The following RBPJ variants were observed in gnomAD, a reference collection of about 807,000 sequenced individuals.
The protein encoded by RBPJ is recombining binding protein suppressor of hairless.
In RBPJ, 9 loss-of-function variants were observed where a neutral mutation model predicts 67.8. The ratio of observed to expected loss-of-function variants is 0.13; its 90% confidence interval spans 0.08 to 0.23. RBPJ has a LOEUF of 0.23. Among genes scored for constraint, RBPJ ranks in the 10% least tolerant of loss-of-function variants. RBPJ has a pLI of 1.00. For missense variants in RBPJ, 305 were observed against 595.6 expected (o/e 0.51, Z 5.08); for synonymous variants, 198 against 203.3 (o/e 0.97, Z 0.22).
At chr4:26,216,482 C>T (rs1196913223) in intron 1 of RBPJ, among the ~76,000 whole-genome samples, 1 of 151,938 alleles carries the variant, frequency 6.6e-6, no homozygotes, top group Non-Finnish European at 1.5e-5. Context: ...ATGGAACATC[C>T]GAGGATTTCC....
intron 4 of RBPJ, among the ~76,000 whole-genome samples, chr4:26,419,950 C>T (rs1018280637): frequency 1.3e-5 from 2 of 152,032 alleles, no homozygotes; most frequent in African/African-American, 4.8e-5. Flanking sequence ...GCAAAGTTAA[C>T]CATTTTAAAA....
At chr4:26,215,402 G>GAAGGGAGGGAGGGA (rs779927576) in intron 1 of RBPJ, among the ~76,000 whole-genome samples, 3 of 108,558 alleles carry the variant, frequency 2.8e-5, no homozygotes, top group African/African-American at 1.2e-4. Flanking sequence ...AGGAAGGAAG[G>GAAGGGAGGGAGGGA]GGGGGGAAGG....
chr4:26,359,515 G>A (rs549670225), intron 1 of RBPJ, among the ~76,000 whole-genome samples: 3 of 151,890 alleles, frequency 2.0e-5, no homozygotes, highest in Non-Finnish European at 4.4e-5. Context: ...GCTCGGGTGG[G>A]GGTTCCCTTG....
intron 1 of RBPJ, among the ~76,000 whole-genome samples, chr4:26,327,422 A>G (rs1164349677): frequency 3.3e-5 from 5 of 152,204 alleles, no homozygotes; most frequent in Non-Finnish European, 7.3e-5. Flanking sequence ...AAGTTTACAA[A>G]AAATAAAATA....
At chr4:26,155,434 CT>C in the RBPJ span, among the ~76,000 whole-genome samples, 17,537 of 131,530 alleles carry the variant, frequency 0.13, 1,367 homozygotes, top group Non-Finnish European at 0.2. Context: ...CTCTCTCTCT[CT>C]TTTTTTTTTT....
At position 26,239,713 on chromosome 4, in the gene RBPJ, AAGG is replaced by A. The variant is rs1272134975; in HGVS notation, c.-167+76102_-167+76104del. Among the ~76,000 whole-genome samples, 4 of 149,742 alleles carry A rather than the reference AAGG, an allele frequency of 2.7e-5. No individual in the cohort carries two copies. In the East Asian group the frequency reaches 5.9e-4, roughly 22 times the overall value. On this transcript the variant is annotated intron_variant, in intron 1 of 4. Coordinates refer to the RBPJ transcript ENST00000512351. ...AAAGTAACAGAGAAGAGAAGAAAAA[AAGG>A]AGAAGAGAAGAGGGGAGGGGAGGGG...
At chr4:26,325,376 C>A (rs1723514518) in intron 1 of RBPJ, among the ~76,000 whole-genome samples, 1 of 152,082 alleles carries the variant, frequency 6.6e-6, no homozygotes, top group African/African-American at 2.4e-5. Context: ...ATCTAAAAAC[C>A]TTTCAATGGC....
chr4:26,182,271 G>A (rs1426198013), intron 1 of RBPJ, among the ~76,000 whole-genome samples: 1 of 151,990 alleles, frequency 6.6e-6, no homozygotes, highest in African/African-American at 2.4e-5. Context: ...GAACCCGGGA[G>A]GCGGAGCTTG....
At chr4:26,168,774 T>G (rs569760015) in intron 1 of RBPJ, among the ~76,000 whole-genome samples, 107 of 152,330 alleles carry the variant, frequency 7.0e-4, no homozygotes, top group African/African-American at 2.5e-3. Context: ...TCGTTTCTTT[T>G]TATTCTTTTT....
rs182313459 is a variant in RBPJ, at chr4:26,429,547, A to C, written c.889-351A>C. Among the ~76,000 whole-genome samples, 7 of 152,266 alleles carry C rather than the reference A, an allele frequency of 4.6e-5. No individual in the cohort carries two copies. In the East Asian group the frequency reaches 1.3e-3, roughly 29 times the overall value. ...GAGGAGTCCCATTGTCTTTCTTAGG[A>C]GTCCTTGAAGAGTTTTAAACAGCCA... On this transcript the variant is annotated intron_variant, in intron 8 of 10. Transcript: ENST00000355476.
In RBPJ at chr4:26,338,914, C is replaced by T. The variant is rs998834011; in HGVS notation, c.20+17866C>T. On this transcript the variant is annotated intron_variant, in intron 1 of 10. Transcript: ENST00000355476. ...TTGGAGACAGAATCTCACTCTGTCT[C>T]GATCTCAGCTCACTGCAGTCTCAAC... Among the ~76,000 whole-genome samples the T allele has an allele frequency of 3.3e-5, 5 of 151,478 alleles. No homozygotes were observed. The South Asian group carries it at 6.3e-4, about 19-fold the overall frequency.
intron 5 of RBPJ, among the ~76,000 whole-genome samples, chr4:26,423,991 A>G (rs967898795): frequency 2.0e-5 from 3 of 152,214 alleles, no homozygotes; most frequent in African/African-American, 7.2e-5. Flanking sequence ...TTTTCTTATC[A>G]GTGTGTTTAG....
At chr4:26,309,746 AT>A (rs1722363051) in intron 1 of RBPJ, among the ~76,000 whole-genome samples, 1 of 152,202 alleles carries the variant, frequency 6.6e-6, no homozygotes, top group African/African-American at 2.4e-5. Flanking sequence ...ATTTAAGTAT[AT>A]TCCCTTATAA....
At chr4:26,379,339 A>G (rs1730084252) in intron 1 of RBPJ, among the ~76,000 whole-genome samples, 1 of 152,142 alleles carries the variant, frequency 6.6e-6, no homozygotes, top group African/African-American at 2.4e-5. Context: ...AGCTAGGACC[A>G]CAGGTGTGCA....
intron 1 of RBPJ, chr4:26,362,365 G>A: frequency 1.3e-6 from 1 of 775,134 alleles, no homozygotes; most frequent in South Asian, 3.6e-5. Flanking sequence ...GTTTTTCTTA[G>A]TCATGGCAGC....
At chr4:26,208,693 AC>A (rs2109165425) in intron 1 of RBPJ, among the ~76,000 whole-genome samples, 1 of 152,104 alleles carries the variant, frequency 6.6e-6, no homozygotes, top group African/African-American at 2.4e-5. Context: ...AATTTTGACC[AC>A]CCTGTGATTT....
Position 26,291,468 on chromosome 4 carries a change from T to C in RBPJ, c.-166-70978T>C, listed in dbSNP as rs1348232946. ...AGAAAATCAAGACATCAAATTGTCA[T>C]GTGGGAAATCTATTCTGGGGAGTTG... On this transcript the variant is annotated intron_variant, in intron 1 of 4. Coordinates refer to the RBPJ transcript ENST00000512351. Among the ~76,000 whole-genome samples, 5 of 150,970 alleles carry C rather than the reference T, an allele frequency of 3.3e-5. 1 individual carries two copies. The highest frequency in any genetic ancestry group is 1.2e-4 in the African/African-American group (5 of 41,016).
At position 26,415,471 on chromosome 4, in the gene RBPJ, TC is replaced by T; in HGVS notation, c.156-3del. 1 of 1,574,224 alleles carries T rather than the reference TC, an allele frequency of 6.4e-7. No individual in the cohort carries two copies. The highest frequency in any genetic ancestry group is 8.6e-7 in the Non-Finnish European group (1 of 1,166,574). On this transcript the variant is annotated splice_region_variant and splice_polypyrimidine_tract_variant and intron_variant, in intron 3 of 10. Coordinates refer to ENST00000355476, the MANE Select transcript of RBPJ (RefSeq NM_015874.6). The stretch of plus-strand genomic sequence containing the variant: ...GTTTTTTTTTTTCCCCTATTATTCT[TC>T]AGGTTTTTTTGCCCACCTCCTTGTG...
the RBPJ span, among the ~76,000 whole-genome samples, chr4:26,148,654 G>A: frequency 2.6e-3 from 402 of 152,326 alleles, 1 homozygote; most frequent in African/African-American, 9.3e-3. Context: ...AGAGGGACCT[G>A]CCAGAAATAG....
Sources: gnomAD v4.1 joint callset for allele counts (sites outside exome capture counted in the v4.1 genomes callset) on GRCh38, gnomAD v4.1.1 for gene constraint, MANE v1.5 for transcripts, NCBI Gene and HGNC (gene_info 2026-07-23, HGNC 2026-07-21) for gene names.